CCDC158: variants seen among roughly 807,000 people sequenced by gnomAD.
CCDC158 encodes the protein coiled-coil domain-containing protein 158.
In CCDC158, 116 loss-of-function variants were observed where a neutral mutation model predicts 138.6. The ratio of observed to expected loss-of-function variants is 0.84; its 90% CI spans 0.72 to 0.98. CCDC158 has a LOEUF of 0.98. Ranked by LOEUF, CCDC158 falls within the 50% of genes least tolerant of loss-of-function variation. The pLI, the probability that CCDC158 is intolerant of heterozygous loss-of-function variation, is 0.00. For synonymous variants in CCDC158, 436 were observed against 442.4 expected (o/e 0.99, Z 0.18); for missense variants, 1,265 against 1,306.1 (o/e 0.97, Z 0.48).
At chr4:76,341,790 A>G (rs1722072733) in intron 18 of CCDC158, among the ~76,000 whole-genome samples, 1 of 152,224 alleles carries the variant, frequency 6.6e-6, no homozygotes. Flanking sequence ...ACATAATATT[A>G]CTTTTCTGGT....
chr4:76,344,981 A>G, intron 18 of CCDC158: 1 of 1,464,820 alleles, frequency 6.8e-7, no homozygotes, highest in Non-Finnish European at 9.6e-7. Context: ...TACTGGAGTT[A>G]GGGAGGTAGA....
At chr4:76,380,577 T>G (rs1385941875) in intron 8 of CCDC158, among the ~76,000 whole-genome samples, 1 of 152,192 alleles carries the variant, frequency 6.6e-6, no homozygotes, top group African/African-American at 2.4e-5. Flanking sequence ...AGAGATGGTG[T>G]GAAATTGCAA....
intron 23 of CCDC158, among the ~76,000 whole-genome samples, chr4:76,325,383 A>G (rs973538878): frequency 2.6e-5 from 4 of 152,236 alleles, no homozygotes; most frequent in Non-Finnish European, 5.9e-5. Context: ...TTTACCAGGC[A>G]TTTATTCTAA....
At chr4:76,398,908 A>G (rs1728076316) in intron 3 of CCDC158, among the ~76,000 whole-genome samples, 1 of 152,156 alleles carries the variant, frequency 6.6e-6, no homozygotes, top group African/African-American at 2.4e-5. Context: ...AATACAATTC[A>G]TGATCTTTGA....
chr4:76,365,860 G>A (rs1205065383), intron 12 of CCDC158, among the ~76,000 whole-genome samples: 1 of 152,094 alleles, frequency 6.6e-6, no homozygotes, highest in East Asian at 1.9e-4. Context: ...AGCCCTCCAG[G>A]CGATTCCGGT....
chr4:76,373,479 TATG>T (rs1725433547), intron 9 of CCDC158, among the ~76,000 whole-genome samples: 1 of 152,210 alleles, frequency 6.6e-6, no homozygotes, highest in South Asian at 2.1e-4. Context: ...GATGATGTAC[TATG>T]ATAAAACTTT....
At chr4:76,372,890 C>T (rs1725372966) in intron 9 of CCDC158, among the ~76,000 whole-genome samples, 1 of 152,054 alleles carries the variant, frequency 6.6e-6, no homozygotes, top group Admixed American at 6.5e-5. Context: ...GCCCTGTCGC[C>T]CAGGCTGGAG....
At chr4:76,419,336 T>A (rs932666709) in intron 1 of CCDC158, among the ~76,000 whole-genome samples, 1 of 29,782 alleles carries the variant, frequency 3.4e-5, no homozygotes, top group Non-Finnish European at 6.2e-5. Context: ...TGTAAACTAT[T>A]CATCAGTACA....
intron 2 of CCDC158, among the ~76,000 whole-genome samples, chr4:76,403,931 A>C (rs1363071024): frequency 1.3e-5 from 2 of 152,182 alleles, no homozygotes; most frequent in Non-Finnish European, 2.9e-5. Context: ...CAGAAGACAG[A>C]AAAAGTACAG....
At chr4:76,327,971 A>T (rs142545425) in intron 22 of CCDC158, among the ~76,000 whole-genome samples, 29 of 152,242 alleles carry the variant, frequency 1.9e-4, no homozygotes, top group African/African-American at 6.7e-4. Flanking sequence ...CTTATTTTTA[A>T]AAATTCCTTT....
intron 18 of CCDC158, chr4:76,344,544 G>C: frequency 1.0e-6 from 1 of 982,012 alleles, no homozygotes; most frequent in Non-Finnish European, 1.7e-6. Flanking sequence ...GGAAGCTGAT[G>C]AATAGCTGAC....
At chr4:76,391,823 A>C (rs1384332881) in intron 4 of CCDC158, among the ~76,000 whole-genome samples, 1 of 152,020 alleles carries the variant, frequency 6.6e-6, no homozygotes, top group South Asian at 2.1e-4. Flanking sequence ...TCAGAGACAA[A>C]AAAAGGATAC....
intron 22 of CCDC158, 118 bp from the exon 23 acceptor site, chr4:76,326,133 A>G (rs188946092): frequency 3.3e-5 from 26 of 782,172 alleles, no homozygotes; most frequent in Admixed American, 8.0e-5. Flanking sequence ...GGACAGGGGG[A>G]CATTCTTCTA....
intron 18 of CCDC158, among the ~76,000 whole-genome samples, chr4:76,336,349 G>A (rs1721506410): frequency 1.3e-5 from 2 of 152,198 alleles, no homozygotes; most frequent in East Asian, 3.9e-4. Context: ...ACAGAGGCAA[G>A]GACTTGATTT....
chr4:76,340,444 A>G (rs953142404), intron 18 of CCDC158, among the ~76,000 whole-genome samples: 1 of 152,266 alleles, frequency 6.6e-6, no homozygotes, highest in African/African-American at 2.4e-5. Context: ...ATTGCAAATG[A>G]CAGTGGCCTT....
At chr4:76,412,503 G>C (rs759144822) in intron 1 of CCDC158, among the ~76,000 whole-genome samples, 39 of 152,278 alleles carry the variant, frequency 2.6e-4, no homozygotes, top group Middle Eastern at 3.4e-3. Flanking sequence ...GCTCATGACT[G>C]TTATCCCAGT....
chr4:76,317,180 C>A (rs929596903), intron 24 of CCDC158, among the ~76,000 whole-genome samples: 2 of 151,976 alleles, frequency 1.3e-5, no homozygotes, highest in South Asian at 4.2e-4. Flanking sequence ...CTTAAAGATA[C>A]GGAATGGCAG....
rs755357878 is a variant in CCDC158, at chr4:76,369,518, G to T, written c.1255C>A (p.Arg419=). The T allele has an allele frequency of 6.2e-7, 1 of 1,614,144 alleles. No homozygotes were observed. The highest frequency in any genetic ancestry group is 2.2e-5 in the East Asian group (1 of 44,874). ...GNSITIDHLR[R]ELDNRNMEVQ... ...TCCATGTTCCGGTTGTCCAGTTCCC[G>T]CCGCAGGTGGTCAATGGTGATGCTG... The change falls in exon 11 of 25, where the codon CGG becomes AGG. Residue 419 remains arginine (R), a synonymous_variant. Transcript: ENST00000682701.
chr4:76,323,712 T>C (rs1209188896), intron 23 of CCDC158, among the ~76,000 whole-genome samples: 5 of 152,262 alleles, frequency 3.3e-5, no homozygotes, highest in Non-Finnish European at 7.3e-5. Flanking sequence ...TCAAGTTTAA[T>C]GATGCATTCT....
Sources: gnomAD v4.1 joint callset for allele counts (sites outside exome capture counted in the v4.1 genomes callset) on GRCh38, gnomAD v4.1.1 for gene constraint, MANE v1.5 for transcripts, NCBI Gene and HGNC (gene_info 2026-07-23, HGNC 2026-07-21) for gene names.